The following FBXL7 variants were observed in gnomAD, a reference collection of about 807,000 sequenced individuals.
FBXL7 encodes F-box and leucine rich repeat protein 7.
A neutral mutation model predicts 38.3 loss-of-function variants in FBXL7; 12 were observed. The observed-to-expected ratio is 0.31, with a 90% CI of 0.20 to 0.51. FBXL7 has a LOEUF of 0.51. Among genes scored for constraint, FBXL7 ranks in the 20% least tolerant of loss-of-function variants. The pLI, the probability that FBXL7 is intolerant of heterozygous loss-of-function variation, is 0.98. For missense variants in FBXL7, 567 were observed against 676.4 expected, an observed-to-expected ratio of 0.84 and a Z score of 1.79; for synonymous variants, 297 against 300.9, an observed-to-expected ratio of 0.99 and a Z score of 0.13.
chr5:15,599,808 T>G (rs944677624), intron 1 of FBXL7, among the ~76,000 whole-genome samples: 2 of 152,160 alleles, frequency 1.3e-5, no homozygotes, highest in Non-Finnish European at 2.9e-5. Flanking sequence ...TTATGTCAGC[T>G]GAAAAATGAC....
At chr5:15,673,531 AG>A (rs1416661629) in intron 2 of FBXL7, among the ~76,000 whole-genome samples, 3 of 152,154 alleles carry the variant, frequency 2.0e-5, no homozygotes, top group Non-Finnish European at 4.4e-5. Context: ...ATTTTTAAGC[AG>A]GCGTTATTCT....
chr5:15,648,549 G>A (rs1412073299), intron 2 of FBXL7, among the ~76,000 whole-genome samples: 2 of 152,186 alleles, frequency 1.3e-5, no homozygotes, highest in Admixed American at 6.5e-5. Context: ...CTAAAGCCCA[G>A]TTGAACAGTT....
At chr5:15,760,011 A>G (rs571474750) in intron 2 of FBXL7, among the ~76,000 whole-genome samples, 1 of 152,284 alleles carries the variant, frequency 6.6e-6, no homozygotes, top group South Asian at 2.1e-4. Flanking sequence ...GAACCATTCC[A>G]TTTCAAAGCC....
At chr5:15,767,449 G>A (rs532478302) in intron 2 of FBXL7, among the ~76,000 whole-genome samples, 1 of 152,224 alleles carries the variant, frequency 6.6e-6, no homozygotes, top group South Asian at 2.1e-4. Context: ...TGTGAGGAAG[G>A]CTACAGCTCG....
chr5:15,769,464 C>A (rs1004601552), intron 2 of FBXL7, among the ~76,000 whole-genome samples: 2 of 152,206 alleles, frequency 1.3e-5, no homozygotes, highest in Admixed American at 6.5e-5. Context: ...TCTAGACTTT[C>A]TCTTCTGAAG....
At chr5:15,799,085 A>C (rs1737490907) in intron 2 of FBXL7, among the ~76,000 whole-genome samples, 1 of 152,218 alleles carries the variant, frequency 6.6e-6, no homozygotes, top group South Asian at 2.1e-4. Flanking sequence ...CTGACCAGGC[A>C]ATTGAATACA....
intron 2 of FBXL7, among the ~76,000 whole-genome samples, chr5:15,724,609 T>C (rs1295259574): frequency 1.3e-5 from 2 of 152,206 alleles, no homozygotes; most frequent in Non-Finnish European, 2.9e-5. Context: ...GTGTGCTCTT[T>C]TGGGGTCTGA....
At chr5:15,720,523 A>G (rs548857195) in intron 2 of FBXL7, among the ~76,000 whole-genome samples, 5 of 148,818 alleles carry the variant, frequency 3.4e-5, no homozygotes, top group South Asian at 4.4e-4. Flanking sequence ...TGTAAATATC[A>G]TTGAATAACT....
chr5:15,775,995 C>T (rs1733808972), intron 2 of FBXL7, among the ~76,000 whole-genome samples: 1 of 151,924 alleles, frequency 6.6e-6, no homozygotes, highest in African/African-American at 2.4e-5. Context: ...TATTAATTCT[C>T]AAGATTAAGA....
intron 2 of FBXL7, among the ~76,000 whole-genome samples, chr5:15,865,569 C>G (rs560802089): frequency 6.6e-6 from 1 of 152,126 alleles, no homozygotes; most frequent in African/African-American, 2.4e-5. Flanking sequence ...ACAAGCCTCT[C>G]ACTCTTAGCA....
chr5:15,564,983 T>C (rs983701753), intron 1 of FBXL7, among the ~76,000 whole-genome samples: 1 of 152,124 alleles, frequency 6.6e-6, no homozygotes, highest in Non-Finnish European at 1.5e-5. Flanking sequence ...TTTTTTAATA[T>C]AAAGATAAGG....
intron 2 of FBXL7, among the ~76,000 whole-genome samples, chr5:15,866,917 A>G (rs1392918576): frequency 6.6e-6 from 1 of 152,068 alleles, no homozygotes; most frequent in Non-Finnish European, 1.5e-5. Flanking sequence ...ATTAATGCCC[A>G]TCACTTATAT....
At chr5:15,824,094 G>A (rs986037566) in intron 2 of FBXL7, among the ~76,000 whole-genome samples, 5 of 151,750 alleles carry the variant, frequency 3.3e-5, no homozygotes, top group Non-Finnish European at 5.9e-5. Flanking sequence ...CCTGACCAAC[G>A]AGACCAGCCT....
chr5:15,574,314 A>G (rs1275264828), intron 1 of FBXL7, among the ~76,000 whole-genome samples: 1 of 152,230 alleles, frequency 6.6e-6, no homozygotes, highest in East Asian at 1.9e-4. Context: ...AACAATAGAA[A>G]TGCTTATTAA....
At chr5:15,761,779 C>T (rs542386697) in intron 2 of FBXL7, among the ~76,000 whole-genome samples, 273 of 152,196 alleles carry the variant, frequency 1.8e-3, no homozygotes, top group Non-Finnish European at 1.9e-3. Context: ...CTCCTGGACT[C>T]GAGTGATCTG....
intron 2 of FBXL7, among the ~76,000 whole-genome samples, chr5:15,774,069 T>C (rs1303754503): frequency 6.6e-6 from 1 of 152,064 alleles, no homozygotes; most frequent in Non-Finnish European, 1.5e-5. Flanking sequence ...TTTTTACAGA[T>C]CTGGAGGTCA....
intron 1 of FBXL7, among the ~76,000 whole-genome samples, chr5:15,504,353 C>T (rs1406737168): frequency 6.6e-6 from 1 of 152,188 alleles, no homozygotes; most frequent in Non-Finnish European, 1.5e-5. Flanking sequence ...ACTGTTATTA[C>T]CAAGAAATCA....
At chr5:15,709,039 C>T (rs1250933180) in intron 2 of FBXL7, among the ~76,000 whole-genome samples, 2 of 152,094 alleles carry the variant, frequency 1.3e-5, no homozygotes, top group Non-Finnish European at 2.9e-5. Context: ...CTCTGAACAC[C>T]GTTTAGTTCC....
chr5:15,502,962 G>A (rs1016278885), intron 1 of FBXL7, among the ~76,000 whole-genome samples: 2 of 152,080 alleles, frequency 1.3e-5, no homozygotes, highest in South Asian at 4.1e-4. Context: ...AACATAAGGA[G>A]GAAATTATCC....
Sources: gnomAD v4.1 joint callset for allele counts (sites outside exome capture counted in the v4.1 genomes callset) on GRCh38, gnomAD v4.1.1 for gene constraint, MANE v1.5 for transcripts, NCBI Gene and HGNC (gene_info 2026-07-23, HGNC 2026-07-21) for gene names.